The following TMEM165 variants were observed in gnomAD, a reference collection of about 807,000 sequenced individuals.
The protein encoded by TMEM165 is transmembrane protein 165.
TMEM165 carries 19 observed loss-of-function variants against 30.0 expected under a neutral mutation model. The ratio of observed to expected loss-of-function variants is 0.63; its 90% confidence interval spans 0.44 to 0.93. The LOEUF (loss-of-function observed/expected upper bound fraction) is 0.93. Among genes scored for constraint, TMEM165 ranks in the 40% least tolerant of loss-of-function variants. The pLI, the probability that TMEM165 is intolerant of heterozygous loss-of-function variation, is 0.00. For missense variants in TMEM165, 340 were observed against 417.0 expected, an observed-to-expected ratio of 0.82 and a Z score of 1.61; for synonymous variants, 168 against 162.9, an observed-to-expected ratio of 1.03 and a Z score of -0.24.
intron 2 of TMEM165, chr4:55,412,654 G>C (rs1721558541): frequency 6.6e-6 from 1 of 151,822 alleles, no homozygotes; most frequent in Non-Finnish European, 1.5e-5. Flanking sequence ...CAAGTGCAAT[G>C]GTGTATACAA....
downstream of TMEM165, chr4:55,430,713 T>G (rs1221486996): frequency 6.6e-6 from 1 of 152,172 alleles, no homozygotes; most frequent in African/African-American, 2.4e-5. Context: ...ATTCTTGAAA[T>G]TATTATATTC....
At chr4:55,450,690 A>G (rs746762931) in intron 3 of TMEM165, among the ~76,000 whole-genome samples, 19 of 152,056 alleles carry the variant, frequency 1.2e-4, no homozygotes, top group Non-Finnish European at 2.5e-4. Flanking sequence ...AATTCCCTGA[A>G]CTGAGGAGGC....
intron 3 of TMEM165, chr4:55,443,760 C>T (rs147347455): frequency 3.7e-5 from 59 of 1,613,874 alleles, no homozygotes; most frequent in Non-Finnish European, 4.8e-5. Flanking sequence ...AGTATTCATT[C>T]CACTTTGAAT....
intron 1 of TMEM165, among the ~76,000 whole-genome samples, chr4:55,396,914 G>T: frequency 6.6e-6 from 1 of 152,178 alleles, no homozygotes; most frequent in East Asian, 1.9e-4. Flanking sequence ...CTAGCAGGAA[G>T]TAGCCTTTAG....
intron 3 of TMEM165, chr4:55,443,743 T>C: frequency 6.2e-7 from 1 of 1,614,162 alleles, no homozygotes; most frequent in Non-Finnish European, 8.5e-7. Flanking sequence ...GTTGTGCCAA[T>C]GTGTCCAGTA....
intron 1 of TMEM165, among the ~76,000 whole-genome samples, chr4:55,401,796 C>T (rs982659505): frequency 1.3e-5 from 2 of 149,858 alleles, no homozygotes; most frequent in African/African-American, 2.5e-5. Flanking sequence ...TAGTGGTATG[C>T]TGTCATCAAA....
At chr4:55,414,354 T>C (rs1365449952) in intron 2 of TMEM165, among the ~76,000 whole-genome samples, 1 of 152,262 alleles carries the variant, frequency 6.6e-6, no homozygotes, top group African/African-American at 2.4e-5. Context: ...TAACAGTCTT[T>C]ATATTATTTT....
chr4:55,446,255 G>A (rs937782006), intron 3 of TMEM165, among the ~76,000 whole-genome samples: 4 of 151,656 alleles, frequency 2.6e-5, no homozygotes, highest in South Asian at 4.2e-4. Context: ...CACCATGCCC[G>A]GCTAATGTTT....
chr4:55,416,872 G>A (rs1243624788), intron 2 of TMEM165, 200 bp from the exon 3 acceptor site: 4 of 457,430 alleles, frequency 8.7e-6, no homozygotes, highest in Non-Finnish European at 1.5e-5. Context: ...AGTAAGCTGT[G>A]TTAGGCCTGG....
chr4:55,400,082 G>C (rs1159494479), intron 1 of TMEM165, among the ~76,000 whole-genome samples: 1 of 139,800 alleles, frequency 7.2e-6, no homozygotes, highest in African/African-American at 2.7e-5. Flanking sequence ...TGGGCTCAAG[G>C]GATCTTCCCC....
intron 1 of TMEM165, chr4:55,398,774 C>G (rs1011095): frequency 0.59 from 89,350 of 151,634 alleles, 27,796 homozygotes; most frequent in South Asian, 0.81. Context: ...CATTTATTAA[C>G]TAATTTTCTA....
At chr4:55,435,718 T>C (rs1388400967) in intron 3 of TMEM165, 14 of 951,686 alleles carry the variant, frequency 1.5e-5, no homozygotes, top group Non-Finnish European at 1.8e-5. Flanking sequence ...TGCATATCAC[T>C]TTCACTCTCT....
chr4:55,398,586 C>G (rs4549456), intron 1 of TMEM165, among the ~76,000 whole-genome samples: 65,048 of 152,024 alleles, frequency 0.43, 15,304 homozygotes, highest in East Asian at 0.88. Context: ...CTTTCTCTTT[C>G]TCCTTTTTTG....
At chr4:55,427,245 CCAGGCTGGT>C (rs1372784633), downstream of TMEM165, among the ~76,000 whole-genome samples, 4 of 151,070 alleles carry the variant, frequency 2.6e-5, no homozygotes, top group African/African-American at 7.3e-5. Flanking sequence ...GCCATGCTGG[CCAGGCTGGT>C]CTCGAACTCC....
At chr4:55,444,826 ATTAC>A (rs772854105) in intron 3 of TMEM165, 10 of 1,590,926 alleles carry the variant, frequency 6.3e-6, no homozygotes, top group East Asian at 4.5e-5. Context: ...ATATTTTAGA[ATTAC>A]TTACTCCTTA....
intron 3 of TMEM165, among the ~76,000 whole-genome samples, chr4:55,448,599 CGCGTGTGTGTGTGT>C (rs1232703125): frequency 1.4e-3 from 148 of 105,662 alleles, no homozygotes; most frequent in South Asian, 2.9e-3. Context: ...CGCGCACGCG[CGCGTGTGTGTGTGT>C]GTGTGTGTGT....
rs1437664901 is a variant in TMEM165, at chr4:55,425,976, CACA to C, written c.*529_*531del. ...TATTGCTGTTATATCAATAACATGG[CACA>C]ACAAGAACTGTCTGCCAGGTCATTC... On this transcript the variant is annotated 3_prime_UTR_variant, in exon 6 of 6. Transcript: ENST00000381334. 6.6e-6 allele frequency: 1 copy of C among 151,714 alleles called. No homozygotes were observed. Among genetic ancestry groups the C allele is most frequent in the Non-Finnish European group, 1.5e-5 (1 of 67,972 alleles). 9.4% of individuals were successfully genotyped at this position (151,714 alleles called of 1,614,324 possible).
intron 2 of TMEM165, among the ~76,000 whole-genome samples, chr4:55,414,281 AAAG>A (rs1317851378): frequency 4.9e-5 from 4 of 80,868 alleles, no homozygotes; most frequent in East Asian, 1.1e-3. Flanking sequence ...AAAAAAAAAA[AAAG>A]GACATGAAAT....
At chr4:55,428,356 A>G (rs1413774831), downstream of TMEM165, 1 of 152,214 alleles carries the variant, frequency 6.6e-6, no homozygotes, top group African/African-American at 2.4e-5. Context: ...AATCGGTAAC[A>G]AAACGATCCA....
Sources: gnomAD v4.1 joint callset for allele counts (sites outside exome capture counted in the v4.1 genomes callset) on GRCh38, gnomAD v4.1.1 for gene constraint, MANE v1.5 for transcripts, NCBI Gene and HGNC (gene_info 2026-07-23, HGNC 2026-07-21) for gene names.